Variants in MAP1B observed in about 807,000 individuals in gnomAD.
MAP1B encodes the protein microtubule-associated protein 1B.
Under a neutral mutation model 176.1 loss-of-function variants are expected in MAP1B, and 12 were observed. That is an observed-to-expected ratio of 0.07 (90% CI 0.04 to 0.11). The LOEUF is 0.11. MAP1B is among the 10% of genes least tolerant of loss of function. The pLI, the probability that MAP1B is intolerant of heterozygous loss-of-function variation, is 1.00. For missense variants in MAP1B, 2,523 were observed against 2,990.5 expected (o/e 0.84, Z 3.65); for synonymous variants, 1,044 against 1,135.0 (o/e 0.92, Z 1.61).
At chr5:72,172,995 T>C (rs1388037780) in intron 2 of MAP1B, among the ~76,000 whole-genome samples, 2 of 152,178 alleles carry the variant, frequency 1.3e-5, no homozygotes, top group Non-Finnish European at 2.9e-5. Context: ...AGCTTGGACT[T>C]TGGATACTGA....
At chr5:72,148,269 T>G (rs933484719) in intron 2 of MAP1B, among the ~76,000 whole-genome samples, 1 of 152,138 alleles carries the variant, frequency 6.6e-6, no homozygotes, top group Non-Finnish European at 1.5e-5. Flanking sequence ...CAGGGCTCCT[T>G]AACATCCCCT....
intron 5 of MAP1B, 107 bp downstream of exon 5, chr5:72,200,474 C>A (rs1747308628): frequency 7.4e-7 from 1 of 1,355,302 alleles, no homozygotes; most frequent in Non-Finnish European, 1.0e-6. Context: ...TGAGGGAGCA[C>A]AATTGATGCT....
intron 2 of MAP1B, among the ~76,000 whole-genome samples, chr5:72,166,801 G>C (rs1240106470): frequency 6.6e-6 from 1 of 152,136 alleles, no homozygotes; most frequent in Non-Finnish European, 1.5e-5. Context: ...GTAGTACTTT[G>C]AGCTCGCAAG....
chr5:72,111,741 A>C (rs1269085536), intron 1 of MAP1B, among the ~76,000 whole-genome samples: 1 of 152,214 alleles, frequency 6.6e-6, no homozygotes, highest in Non-Finnish European at 1.5e-5. Flanking sequence ...TAAGGTCATT[A>C]AATTGTTCAC....
chr5:72,164,784 G>A (rs866080369), intron 2 of MAP1B, among the ~76,000 whole-genome samples: 2 of 152,168 alleles, frequency 1.3e-5, no homozygotes, highest in Non-Finnish European at 2.9e-5. Context: ...CTCTCAGTCC[G>A]CTGGGTGAAC....
chr5:72,136,172 C>G (rs373031727), intron 2 of MAP1B, among the ~76,000 whole-genome samples: 1 of 152,178 alleles, frequency 6.6e-6, no homozygotes, highest in East Asian at 1.9e-4. Flanking sequence ...TAAACATACC[C>G]ATGGGCATGT....
chr5:72,130,746 A>G (rs919651610), intron 2 of MAP1B, among the ~76,000 whole-genome samples: 21 of 152,316 alleles, frequency 1.4e-4, no homozygotes, highest in Admixed American at 1.2e-3. Context: ...TGCTAAGTAG[A>G]TTTGTGCCAT....
In MAP1B at chr5:72,201,218, TTTAATTAG is replaced by T. The variant is rs1561319209; in HGVS notation, c.7012+852_7012+859del. On this transcript the variant is annotated intron_variant, in intron 5 of 6. Coordinates refer to ENST00000296755, the MANE Select transcript of MAP1B (RefSeq NM_005909.5). ...TCTCCACAAAAAAAAAAAAATGTTTTTTAATTAGCTGGGTGTGGTGGCACGTGCTTATA... is the reference window on the plus strand; with the variant it reads ...TCTCCACAAAAAAAAAAAAATGTTTTCTGGGTGTGGTGGCACGTGCTTATA... 3.8e-3 allele frequency among the ~76,000 whole-genome samples: 572 copies of T among 152,046 alleles called. 4 individuals are homozygous for T. Among genetic ancestry groups the T allele is most frequent in the African/African-American group, 0.013 (547 of 41,450 alleles).
Position 72,115,783 on chromosome 5 carries a change from C to G in MAP1B, c.270C>G (p.Phe90Leu). 8 of 1,613,154 alleles carry G rather than the reference C, an allele frequency of 5.0e-6. No homozygotes were observed. Among genetic ancestry groups the G allele is most frequent in the Non-Finnish European group, 6.8e-6 (8 of 1,179,126 alleles). Residue 90 changes from phenylalanine (F) to leucine (L), a missense_variant, in exon 2 of 7, where the codon TTC becomes TTG. Around this residue, in one of 4 missense-constraint regions of MAP1B, gnomAD observed 307 missense variants for 438.4 expected, o/e 0.70. Coordinates refer to ENST00000296755, the MANE Select transcript of MAP1B (RefSeq NM_005909.5). ...TTGTATCTCGACACTCTGCAAGATT[C>G]TCTCCTGAAGTCCCAGGTGAGGCTT... ...KLFVSRHSARFSPEVPGQKIL... is the reference protein window; with the variant it reads ...KLFVSRHSARLSPEVPGQKIL...
chr5:72,202,051 G>C (rs1314975710), intron 5 of MAP1B, among the ~76,000 whole-genome samples: 1 of 152,194 alleles, frequency 6.6e-6, no homozygotes, highest in Non-Finnish European at 1.5e-5. Flanking sequence ...GACATTTAAA[G>C]AGGTAATTTA....
Position 72,199,532 on chromosome 5 carries a change from C to T in MAP1B, c.6177C>T (p.Tyr2059=), listed in dbSNP as rs567310466. 4.0e-5 allele frequency: 64 copies of T among 1,614,184 alleles called. No homozygotes were observed. Among genetic ancestry groups the T allele is most frequent in the Admixed American group, 2.2e-4 (13 of 60,030 alleles). Residue 2059 remains tyrosine (Y), a synonymous_variant, in exon 5 of 7, where the codon TAC becomes TAT. Coordinates refer to ENST00000296755, the MANE Select transcript of MAP1B (RefSeq NM_005909.5). The surrounding 1 kb of genome is among the most constrained non-coding windows in gnomAD (Gnocchi z 4.2). ...CCCCTCAGGCATCCACATATTCCTA[C>T]GAGACTTCAGACCTATGCTACACTG... ...TRTPQASTYS[Y]ETSDLCYTAE...
chr5:72,172,014 A>G (rs565508805), intron 2 of MAP1B, among the ~76,000 whole-genome samples: 13 of 152,356 alleles, frequency 8.5e-5, no homozygotes, highest in African/African-American at 3.1e-4. Flanking sequence ...AACAAAAATC[A>G]CAGGTCCCTT....
At position 72,140,454 on chromosome 5, in the gene MAP1B, G is replaced by A. The variant is rs557115077; in HGVS notation, c.286+24655G>A. 8.5e-5 allele frequency among the ~76,000 whole-genome samples: 13 copies of A among 152,298 alleles called. No homozygotes were observed. The South Asian group carries it at 2.7e-3, about 32-fold the overall frequency. On this transcript the variant is annotated intron_variant, in intron 2 of 6. Coordinates refer to ENST00000296755, the MANE Select transcript of MAP1B (RefSeq NM_005909.5). ...TTTGACCATTTCATGCTACAGTAAA[G>A]TATTGCAGCCTTCATTTGAAGAACA... is the stretch of plus-strand genomic sequence containing the variant.
chr5:72,111,961 GAAAA>G (rs755703194), intron 1 of MAP1B, among the ~76,000 whole-genome samples: 1 of 151,740 alleles, frequency 6.6e-6, no homozygotes, highest in East Asian at 1.9e-4. Flanking sequence ...TTTAAAAAAA[GAAAA>G]AAAGCAAATT....
intron 1 of MAP1B, among the ~76,000 whole-genome samples, chr5:72,110,771 A>T (rs1745318350): frequency 6.6e-6 from 1 of 152,152 alleles, no homozygotes. Context: ...GGCGACTTGG[A>T]TTCTTGCCAT....
intron 2 of MAP1B, among the ~76,000 whole-genome samples, chr5:72,164,089 CCACCA>C (rs1482786672): frequency 1.3e-5 from 2 of 151,786 alleles, no homozygotes; most frequent in African/African-American, 4.8e-5. Flanking sequence ...GGGACATGTA[CCACCA>C]CACCTGGCTA....
In MAP1B at chr5:72,200,268, A is replaced by T. The variant is rs1164511090; in HGVS notation, c.6913A>T (p.Thr2305Ser). ...GGAAAAGGCAGCAAAACCCACCACC[A>T]CTCCTGAGGTCAAAGCTGCACGTGG... ...SVEKAAKPTT[T>S]PEVKAARGEE... Residue 2305 changes from threonine (T) to serine (S), a missense_variant, in exon 5 of 7, where the codon ACT becomes TCT. This residue lies in a region of MAP1B where 287 missense variants were observed against 401.5 expected (regional missense o/e 0.71). Transcript: ENST00000296755. The T allele has an allele frequency of 6.2e-7, 1 of 1,613,844 alleles. No individual in the cohort carries two copies. Among genetic ancestry groups the T allele is most frequent in the Non-Finnish European group, 8.5e-7 (1 of 1,180,018 alleles).
chr5:72,137,916 A>G (rs931123742), intron 2 of MAP1B, among the ~76,000 whole-genome samples: 3 of 152,188 alleles, frequency 2.0e-5, no homozygotes, highest in East Asian at 1.9e-4. Flanking sequence ...AATAGTTGAC[A>G]TGGAAAAAGT....
At chr5:72,155,333 C>T (rs6882965) in intron 2 of MAP1B, among the ~76,000 whole-genome samples, 111,777 of 152,108 alleles carry the variant, frequency 0.73, 41,386 homozygotes, top group Middle Eastern at 0.85. Context: ...TTGGTGGTTC[C>T]TGAGCTATGG....
Sources: allele counts gnomAD v4.1 joint callset (sites outside exome capture counted in the v4.1 genomes callset), GRCh38; gene constraint gnomAD v4.1.1; regional missense constraint gnomAD v4.1.1; non-coding constraint Gnocchi (gnomAD v3.1); transcripts MANE v1.5; gene names NCBI Gene and HGNC (gene_info 2026-07-23, HGNC 2026-07-21).